The following PLOD2 variants were observed in gnomAD, a reference collection of about 807,000 sequenced individuals.
PLOD2 encodes the protein procollagen-lysine,2-oxoglutarate 5-dioxygenase 2, also known as lysine hydroxylase 2.
PLOD2 carries 65 observed loss-of-function variants against 101.0 expected under a neutral mutation model. That is an observed-to-expected ratio of 0.64 (90% CI 0.53 to 0.79). The LOEUF (loss-of-function observed/expected upper bound fraction) is 0.79. Among genes scored for constraint, PLOD2 ranks in the 30% least tolerant of loss-of-function variants. PLOD2 has a pLI of 0.00. For synonymous variants in PLOD2, 314 were observed against 302.9 expected (o/e 1.04, Z -0.38); for missense variants, 909 against 914.6 (o/e 0.99, Z 0.08).
intron 1 of PLOD2, among the ~76,000 whole-genome samples, chr3:146,126,330 A>G (rs1020058105): frequency 7.0e-6 from 1 of 141,966 alleles, no homozygotes; most frequent in African/African-American, 2.6e-5. Context: ...CATGACTATG[A>G]TAAGAAAAAA....
At chr3:146,091,757 T>C in intron 8 of PLOD2, 43 bp downstream of exon 8, 1 of 1,053,148 alleles carries the variant, frequency 9.5e-7, no homozygotes, top group African/African-American at 1.6e-5. Context: ...CATGACAATG[T>C]ACTTTCTATT....
intron 9 of PLOD2, among the ~76,000 whole-genome samples, chr3:146,087,749 A>C (rs1422781462): frequency 6.6e-6 from 1 of 151,902 alleles, no homozygotes; most frequent in Non-Finnish European, 1.5e-5. Flanking sequence ...AATATAAACA[A>C]AAGACAATAC....
chr3:146,087,093 T>C (rs1054839675), intron 9 of PLOD2, among the ~76,000 whole-genome samples, 185 bp from the exon 10 acceptor site: 2 of 151,980 alleles, frequency 1.3e-5, no homozygotes, highest in Non-Finnish European at 2.9e-5. Flanking sequence ...ACATGAATAA[T>C]CTTAAATACA....
chr3:146,124,095 G>C, intron 2 of PLOD2, 43 bp downstream of exon 2: 1 of 977,164 alleles, frequency 1.0e-6, no homozygotes, highest in Non-Finnish European at 1.7e-6. Context: ...CATACTTTAG[G>C]CACACATTAT....
At chr3:146,100,569 G>C (rs992095051) in intron 7 of PLOD2, among the ~76,000 whole-genome samples, 5 of 150,084 alleles carry the variant, frequency 3.3e-5, no homozygotes, top group Middle Eastern at 3.4e-3. Flanking sequence ...TGGGAATTAG[G>C]GGGAGAGGAT....
intron 1 of PLOD2, among the ~76,000 whole-genome samples, chr3:146,126,563 A>C (rs923009343): frequency 3.3e-5 from 5 of 152,180 alleles, no homozygotes; most frequent in African/African-American, 1.2e-4. Context: ...TCAGCAATAA[A>C]ATTCAGAACA....
intron 1 of PLOD2, among the ~76,000 whole-genome samples, chr3:146,158,959 A>C (rs1441707130): frequency 6.6e-6 from 1 of 152,210 alleles, no homozygotes; most frequent in Non-Finnish European, 1.5e-5. Flanking sequence ...TCAACGAATA[A>C]GCTTCTATTT....
chr3:146,152,460 C>T (rs2032104346), intron 1 of PLOD2, among the ~76,000 whole-genome samples: 1 of 151,946 alleles, frequency 6.6e-6, no homozygotes, highest in Non-Finnish European at 1.5e-5. Flanking sequence ...ATTAAGTGTC[C>T]AATGGCTACA....
chr3:146,123,485 T>A (rs560276200), intron 2 of PLOD2, among the ~76,000 whole-genome samples: 1 of 149,716 alleles, frequency 6.7e-6, no homozygotes, highest in East Asian at 2.0e-4. Flanking sequence ...ACATTAACAA[T>A]CCTCCCAAAT....
intron 12 of PLOD2, among the ~76,000 whole-genome samples, chr3:146,080,294 A>T (rs1214136341): frequency 6.7e-6 from 1 of 150,104 alleles, no homozygotes; most frequent in Non-Finnish European, 1.5e-5. Context: ...GTACAGTAAG[A>T]CTAACAACAA....
At chr3:146,089,162 G>T (rs2108025001) in intron 8 of PLOD2, among the ~76,000 whole-genome samples, 1 of 151,580 alleles carries the variant, frequency 6.6e-6, no homozygotes, top group African/African-American at 2.4e-5. Context: ...GCAATCATGG[G>T]AGACCTGAGA....
At chr3:146,132,505 T>A (rs1295163167) in intron 1 of PLOD2, among the ~76,000 whole-genome samples, 1 of 152,146 alleles carries the variant, frequency 6.6e-6, no homozygotes, top group Admixed American at 6.5e-5. Context: ...ACCATCCCCA[T>A]CCTTTATAGA....
rs550421992 is a variant in PLOD2 at position 146,160,924 on chromosome 3, G to A, written c.66C>T (p.Pro22=). 5.0e-6 allele frequency: 8 copies of A among 1,599,078 alleles called. No individual in the cohort carries two copies. In the African/African-American group the frequency reaches 8.0e-5, roughly 16 times the overall value. The change falls in exon 1 of 20, where the codon CCC becomes CCT. Residue 22 remains proline (P), a synonymous_variant. Transcript: ENST00000282903. ...LLALVLHPWN[P]CLGADSEKPS... is the part of the protein sequence containing the mutation. ...GCTTCTCCGAGTCCGCACCCAGACA[G>A]GGATTCCAGGGGTGGAGGACGAGCG...
At chr3:146,081,641 A>C (rs1936543158) in intron 12 of PLOD2, 97 bp downstream of exon 12, 2 of 975,638 alleles carry the variant, frequency 2.0e-6, no homozygotes, top group African/African-American at 3.2e-5. Context: ...ACTATAAAGA[A>C]AAGAGATGAA....
chr3:146,138,162 A>G (rs747300300), intron 1 of PLOD2, among the ~76,000 whole-genome samples: 2 of 152,132 alleles, frequency 1.3e-5, no homozygotes, highest in Non-Finnish European at 2.9e-5. Context: ...GGGAAAGATG[A>G]TACCACATGA....
chr3:146,083,577 C>CTTTTTTTTTTT (rs869301001), intron 11 of PLOD2, among the ~76,000 whole-genome samples: 1 of 75,790 alleles, frequency 1.3e-5, no homozygotes, highest in Non-Finnish European at 2.7e-5. Flanking sequence ...AAGTCTTTTT[C>CTTTTTTTTTTT]TTTTTTTTTT....
intron 12 of PLOD2, among the ~76,000 whole-genome samples, chr3:146,079,674 CT>C (rs1936464226): frequency 6.6e-6 from 1 of 151,968 alleles, no homozygotes; most frequent in Admixed American, 6.6e-5. Context: ...TTAACTTTTT[CT>C]GCCAAGTCCA....
chr3:146,125,016 T>C (rs1241933942), intron 1 of PLOD2, among the ~76,000 whole-genome samples: 2 of 152,026 alleles, frequency 1.3e-5, no homozygotes, highest in African/African-American at 4.8e-5. Context: ...TTATTTTTAA[T>C]AGGAAAAGGC....
intron 1 of PLOD2, among the ~76,000 whole-genome samples, chr3:146,130,593 C>T (rs2030853622): frequency 6.6e-6 from 1 of 152,196 alleles, no homozygotes; most frequent in East Asian, 1.9e-4. Flanking sequence ...ATATGTCTTG[C>T]ATGTAGGTGT....
Sources: allele counts gnomAD v4.1 joint callset (sites outside exome capture counted in the v4.1 genomes callset), GRCh38; gene constraint gnomAD v4.1.1; transcripts MANE v1.5; gene names NCBI Gene and HGNC (gene_info 2026-07-23, HGNC 2026-07-21).